The following NBPF15 variants were observed in gnomAD, a reference collection of about 807,000 sequenced individuals.
NBPF15 encodes NBPF member 15, also known as NBPF family member NBPF15.
Under a neutral mutation model 62.2 loss-of-function variants are expected in NBPF15, and 74 were observed. The observed-to-expected ratio is 1.19, with a 90% CI of 0.99 to 1.44. NBPF15 has a LOEUF of 1.44. Among genes scored for constraint, NBPF15 ranks in the 40% most tolerant of loss-of-function variants. The pLI is 0.00. For synonymous variants in NBPF15, 244 were observed against 209.7 expected (o/e 1.16, Z -1.41); for missense variants, 790 against 550.0 (o/e 1.44, Z -4.36).
chr1:144,451,783 G>A (rs1193741831), intron 4 of NBPF15, among the ~76,000 whole-genome samples: 1 of 151,416 alleles, frequency 6.6e-6, no homozygotes, highest in Non-Finnish European at 1.5e-5. Context: ...ATTTTTCTTA[G>A]TACAGAACAA....
rs1681730910 is a variant in NBPF15 at position 144,440,159 on chromosome 1, C to A, written c.-54G>T. The A allele has an allele frequency of 1.3e-6, 2 of 1,572,438 alleles. No individual in the cohort carries two copies. Among genetic ancestry groups the A allele is most frequent in the Admixed American group, 3.5e-5 (2 of 57,282 alleles). On this transcript the variant is annotated 5_prime_UTR_variant, in exon 7 of 22. Coordinates refer to ENST00000581897, the MANE Select transcript of NBPF15 (RefSeq NM_001385408.1). ...AACTTACTGTTGTCAAAAATGTGATCACTCCCCACAGCACTTTAGGATCCT... is the reference window on the plus strand; with the variant it reads ...AACTTACTGTTGTCAAAAATGTGATAACTCCCCACAGCACTTTAGGATCCT...
chr1:144,458,673 A>G (rs1553547650), intron 3 of NBPF15, among the ~76,000 whole-genome samples: 1 of 151,666 alleles, frequency 6.6e-6, no homozygotes, highest in East Asian at 1.9e-4. Flanking sequence ...AAAAAGTGCC[A>G]AACAGTGCAG....
Position 144,438,375 on chromosome 1 carries a change from C to T in NBPF15, c.176-328G>A, listed in dbSNP as rs1680239728. Among the ~76,000 whole-genome samples the T allele has an allele frequency of 2.0e-5, 3 of 151,990 alleles. No individual in the cohort carries two copies. The South Asian group carries it at 6.2e-4, about 32-fold the overall frequency. ...ACTTTCCCAAGCCTTGCAGCCTCTCCTCTAAAACACTGCACTGGGGCATGA... is the reference window on the plus strand; with the variant it reads ...ACTTTCCCAAGCCTTGCAGCCTCTCTTCTAAAACACTGCACTGGGGCATGA... On this transcript the variant is annotated intron_variant, in intron 8 of 21. Coordinates refer to ENST00000581897, the MANE Select transcript of NBPF15 (RefSeq NM_001385408.1).
At chr1:144,435,043 G>A in intron 12 of NBPF15, 68 bp downstream of exon 12, 7 of 1,610,962 alleles carry the variant, frequency 4.3e-6, no homozygotes, top group Non-Finnish European at 5.9e-6. Flanking sequence ...TGTTGATAGA[G>A]CCTGTCTTCA....
At chr1:144,449,559 G>T (rs1689795967) in intron 5 of NBPF15, among the ~76,000 whole-genome samples, 2 of 151,860 alleles carry the variant, frequency 1.3e-5, no homozygotes, top group Admixed American at 1.3e-4. Context: ...CATTTTGAGT[G>T]CAATAGGAGC....
intron 20 of NBPF15, among the ~76,000 whole-genome samples, 171 bp downstream of exon 20, chr1:144,424,519 C>T (rs1443998610): frequency 6.6e-6 from 1 of 151,980 alleles, no homozygotes; most frequent in African/African-American, 2.4e-5. Flanking sequence ...TGACCCATCC[C>T]TTGTCTGGGC....
At chr1:144,458,798 G>A (rs587595426) in intron 3 of NBPF15, among the ~76,000 whole-genome samples, 1 of 152,122 alleles carries the variant, frequency 6.6e-6, no homozygotes, top group Admixed American at 6.5e-5. Context: ...CCCACACTCT[G>A]GGAGGTTGAA....
In NBPF15 at chr1:144,426,200, G is replaced by T; in HGVS notation, c.1438+78C>A. The T allele has an allele frequency of 4.9e-6, 3 of 606,196 alleles. No homozygotes were observed. In the South Asian group the frequency reaches 5.7e-5, roughly 11 times the overall value. 37.6% of individuals were successfully genotyped at this position (606,196 alleles called of 1,614,324 possible). On this transcript the variant is annotated intron_variant, in intron 18 of 21. Transcript: ENST00000581897. ...GCAATGACATCTCTCGGGTCAGTAA[G>T]GGCCACTTGGAACAGGAATATCACC...
In NBPF15 at chr1:144,442,601, C is replaced by A. The variant is rs1312589723; in HGVS notation, c.-190-2306G>T. On this transcript the variant is annotated intron_variant, in intron 6 of 21. Transcript: ENST00000581897. The stretch of plus-strand genomic sequence containing the variant: ...CAGCAACGCAACGGCCAGGTGGACA[C>A]CTCCATCTACAGCCTCGTGGCGGAC... 277 of 153,176 alleles carry A rather than the reference C, an allele frequency of 1.8e-3. 4 individuals are homozygous for A. The highest frequency in any genetic ancestry group is 3.2e-3 in the Non-Finnish European group (219 of 67,944). The allele number at this position is 153,176 out of a possible 1,614,324, so 9.5% of individuals were successfully genotyped here. A position where few individuals can be genotyped will look rare whatever the true frequency, so the allele number is the denominator to read the frequency against.
rs1571176185 is a variant in NBPF15 at position 144,460,940 on chromosome 1, A to T, written c.-916T>A. On this transcript the variant is annotated 5_prime_UTR_variant, in exon 2 of 22. Coordinates refer to ENST00000581897, the MANE Select transcript of NBPF15 (RefSeq NM_001385408.1). ...CTCATGTGCATCCTGGACTTGGTAC[A>T]CCCGGCTTGCCCATCACCAGCCTGG... The T allele has an allele frequency of 6.6e-6, 1 of 151,614 alleles. No individual in the cohort carries two copies. The highest frequency in any genetic ancestry group is 1.5e-5 in the Non-Finnish European group (1 of 67,882). 9.4% of individuals were successfully genotyped at this position (151,614 alleles called of 1,614,324 possible).
At chr1:144,450,600 TTTCAA>T (rs1690459018) in intron 5 of NBPF15, among the ~76,000 whole-genome samples, 167 bp downstream of exon 5, 1 of 150,652 alleles carries the variant, frequency 6.6e-6, no homozygotes, top group Admixed American at 6.6e-5. Context: ...ACTTCTGTGG[TTTCAA>T]ACCACTGGTT....
intron 5 of NBPF15, among the ~76,000 whole-genome samples, chr1:144,449,315 A>T (rs868973651): frequency 6.6e-6 from 1 of 151,994 alleles, no homozygotes; most frequent in Non-Finnish European, 1.5e-5. Flanking sequence ...ACATCTACCT[A>T]TTCTATGACT....
chr1:144,451,879 C>T (rs1226855565), intron 4 of NBPF15, among the ~76,000 whole-genome samples: 1 of 151,754 alleles, frequency 6.6e-6, no homozygotes, highest in African/African-American at 2.4e-5. Flanking sequence ...TCAGGTCAGG[C>T]CGTGGCTCAT....
intron 6 of NBPF15, among the ~76,000 whole-genome samples, chr1:144,447,011 T>A (rs1307496657): frequency 1.3e-5 from 2 of 149,848 alleles, no homozygotes; most frequent in African/African-American, 2.4e-5. Context: ...AGATTTCCCA[T>A]CCATTACATC....
In NBPF15 at chr1:144,442,178, AT is replaced by A. The variant is rs1683698327; in HGVS notation, c.-190-1884del. Among the ~76,000 whole-genome samples the A allele has an allele frequency of 2.4e-4, 26 of 109,412 alleles. 1 individual carries two copies. Among genetic ancestry groups the A allele is most frequent in the Non-Finnish European group, 3.6e-4 (20 of 55,732 alleles). The allele number at this position is 109,412 out of a possible 152,430, so 71.8% of individuals were successfully genotyped here. On this transcript the variant is annotated intron_variant, in intron 6 of 21. Coordinates refer to ENST00000581897, the MANE Select transcript of NBPF15 (RefSeq NM_001385408.1). ...TATACACGTGTATATATATATATAT[AT>A]AATATATATACACGTGTATATATAT...
intron 10 of NBPF15, among the ~76,000 whole-genome samples, chr1:144,436,426 G>A (rs2102051466): frequency 6.6e-6 from 1 of 151,886 alleles, no homozygotes; most frequent in Admixed American, 6.6e-5. Context: ...TTGGAAAGCA[G>A]TTGTAAGTGT....
At position 144,435,313 on chromosome 1, in the gene NBPF15, C is replaced by T. The variant is rs201040603; in HGVS notation, c.570G>A (p.Glu190=). The change falls in exon 12 of 22, where the codon GAG becomes GAA. Residue 190 remains glutamate, a synonymous_variant. Coordinates refer to ENST00000581897, the MANE Select transcript of NBPF15 (RefSeq NM_001385408.1). ...CTTCCTTTTCTTCAGCCTTCTGCAT[C>T]TCCCTGATGAGCCAGGTGGGACAGA... ...EKVQKSSAPR[E]MQKAEEKEVP... 6.3e-7 allele frequency: 1 copy of T among 1,594,906 alleles called. No individual in the cohort carries two copies. The highest frequency in any genetic ancestry group is 8.6e-7 in the Non-Finnish European group (1 of 1,166,196).
At chr1:144,440,994 T>C (rs1682535099) in intron 6 of NBPF15, among the ~76,000 whole-genome samples, 2 of 151,872 alleles carry the variant, frequency 1.3e-5, no homozygotes, top group African/African-American at 4.8e-5. Context: ...GGTGGGTATA[T>C]ATGCCACTAA....
chr1:144,458,847 C>T (rs1650191695), intron 3 of NBPF15, among the ~76,000 whole-genome samples: 2 of 151,694 alleles, frequency 1.3e-5, no homozygotes, highest in Admixed American at 6.6e-5. Context: ...TGAGACCAAC[C>T]TGGGAAACAT....
Sources: gnomAD v4.1 joint callset for allele counts (sites outside exome capture counted in the v4.1 genomes callset) on GRCh38, gnomAD v4.1.1 for gene constraint, MANE v1.5 for transcripts, NCBI Gene and HGNC (gene_info 2026-07-23, HGNC 2026-07-21) for gene names.